LPIN2: variants seen among roughly 807,000 people sequenced by gnomAD.
LPIN2 encodes the protein phosphatidate phosphatase LPIN2.
A neutral mutation model predicts 111.4 loss-of-function variants in LPIN2; 55 were observed. That is an observed-to-expected ratio of 0.49 (90% confidence interval 0.40 to 0.62). LPIN2 has a LOEUF of 0.62. Ranked by LOEUF, LPIN2 falls within the 20% of genes least tolerant of loss-of-function variation. The probability of loss-of-function intolerance (pLI) is 0.00; values close to 1 mark genes in which losing one functional copy is unlikely to be tolerated. For missense variants in LPIN2, 992 were observed against 1,112.1 expected, an observed-to-expected ratio of 0.89 and a Z score of 1.54; for synonymous variants, 425 against 414.0, an observed-to-expected ratio of 1.03 and a Z score of -0.32.
intron 8 of LPIN2, among the ~76,000 whole-genome samples, chr18:2,933,771 G>A (rs549673117): frequency 1.3e-5 from 2 of 152,194 alleles, no homozygotes; most frequent in South Asian, 2.1e-4. Flanking sequence ...TGGGAAGGCA[G>A]TCCAAGTGTA....
chr18:2,986,560 A>AAAG (rs2078189457), intron 1 of LPIN2, among the ~76,000 whole-genome samples: 1 of 151,786 alleles, frequency 6.6e-6, no homozygotes, highest in Non-Finnish European at 1.5e-5. Context: ...AAAAAAAAAA[A>AAAG]AAAGAAAGAC....
chr18:2,924,248 C>T (rs1315505707), intron 15 of LPIN2, 150 bp downstream of exon 15: 2 of 873,472 alleles, frequency 2.3e-6, no homozygotes, highest in Admixed American at 2.0e-5. Context: ...CCCATGTGGA[C>T]TGTACTGGGG....
At chr18:3,009,151 G>A (rs571518296) in intron 1 of LPIN2, among the ~76,000 whole-genome samples, 15 of 152,122 alleles carry the variant, frequency 9.9e-5, no homozygotes, top group African/African-American at 3.4e-4. Context: ...TGTAATCCCA[G>A]CACTTTGGGA....
intron 17 of LPIN2, 64 bp downstream of exon 17, chr18:2,921,983 C>T: frequency 3.9e-6 from 6 of 1,552,068 alleles, no homozygotes; most frequent in Non-Finnish European, 5.2e-6. Flanking sequence ...CATCCCCCCA[C>T]CTTGGGCCCA....
chr18:3,007,105 G>C (rs1598617435), intron 1 of LPIN2, among the ~76,000 whole-genome samples: 1 of 152,008 alleles, frequency 6.6e-6, no homozygotes, highest in African/African-American at 2.4e-5. Flanking sequence ...TTCTCGAATA[G>C]TTCATATGTA....
intron 8 of LPIN2, among the ~76,000 whole-genome samples, chr18:2,932,259 A>G (rs1407806117): frequency 6.6e-6 from 1 of 152,198 alleles, no homozygotes; most frequent in Non-Finnish European, 1.5e-5. Flanking sequence ...CATTTGAGAT[A>G]TTGAGAATTT....
At position 2,931,395 on chromosome 18, in the gene LPIN2, A is replaced by T; in HGVS notation, c.1317T>A (p.Ser439=). ...SRQWPESDTL[S]GSQSPQSVGS... is the part of the protein sequence containing the mutation. ...CCACGGACTGTGGGGACTGGGAGCC[A>T]GAGAGTGTGTCAGACTCGGGCCACT... Residue 439 remains serine, a synonymous_variant, in exon 9 of 20, where the codon TCT becomes TCA. Transcript: ENST00000677752. 1.2e-6 allele frequency: 2 copies of T among 1,610,082 alleles called. No homozygotes were observed. The highest frequency in any genetic ancestry group is 1.7e-6 in the Non-Finnish European group (2 of 1,178,108).
rs1303131723 is a variant in LPIN2 at position 2,973,123 on chromosome 18, T to C, written c.-9-12274A>G. Among the ~76,000 whole-genome samples, 5 of 152,344 alleles carry C rather than the reference T, an allele frequency of 3.3e-5. No homozygotes were observed. The East Asian group carries it at 9.6e-4, about 29-fold the overall frequency. On this transcript the variant is annotated intron_variant, in intron 1 of 19. Transcript: ENST00000677752. ...AGAAAAAATTCCAGCTAAATGTTCA[T>C]GCCAATTTAGCTATGAAGTTTTAAG... is the stretch of plus-strand genomic sequence containing the variant.
At chr18:2,975,361 T>C (rs1471089315) in intron 1 of LPIN2, among the ~76,000 whole-genome samples, 1 of 152,096 alleles carries the variant, frequency 6.6e-6, no homozygotes, top group African/African-American at 2.4e-5. Flanking sequence ...TGAGATGGAG[T>C]TTTACTCTTG....
chr18:2,943,120 G>A lies in LPIN2; in HGVS notation c.591-2408C>T, dbSNP rs116333757. 4.0e-3 allele frequency among the ~76,000 whole-genome samples: 611 copies of A among 152,096 alleles called. 7 individuals are homozygous for A. Among genetic ancestry groups the A allele is most frequent in the African/African-American group, 0.014 (575 of 41,460 alleles). ...AAAAGCTAACGGAGGTTACATGGATGTATATGACTGCCAAAATGCACTGAA... is the reference window on the plus strand; with the variant it reads ...AAAAGCTAACGGAGGTTACATGGATATATATGACTGCCAAAATGCACTGAA... On this transcript the variant is annotated intron_variant, in intron 4 of 19. Coordinates refer to ENST00000677752, the MANE Select transcript of LPIN2 (RefSeq NM_001375808.2).
chr18:3,002,328 T>C (rs2078447534), intron 1 of LPIN2, among the ~76,000 whole-genome samples: 1 of 151,846 alleles, frequency 6.6e-6, no homozygotes, highest in South Asian at 2.1e-4. Context: ...TTTCATGTAG[T>C]TTTATAAGCT....
In LPIN2 at chr18:2,925,377, C is replaced by T. The variant is rs587781026; in HGVS notation, c.1794-9G>A. 3.7e-6 allele frequency: 6 copies of T among 1,614,054 alleles called. No individual in the cohort carries two copies. In the South Asian group the frequency reaches 5.5e-5, roughly 15 times the overall value. On this transcript the variant is annotated splice_polypyrimidine_tract_variant and intron_variant, in intron 13 of 19. Transcript: ENST00000677752. The surrounding 1 kb of genome is among the most constrained non-coding windows in gnomAD (Gnocchi z 4.1). Reference sequence around the variant, plus strand: ...AGTCATTCTCGGCCGGCCTGTTCAACATTAGCCCAGTTACGGAAGAGGCAG... The same window carrying T: ...AGTCATTCTCGGCCGGCCTGTTCAATATTAGCCCAGTTACGGAAGAGGCAG...
chr18:2,929,666 G>C (rs2077186593), intron 9 of LPIN2, among the ~76,000 whole-genome samples: 1 of 152,240 alleles, frequency 6.6e-6, no homozygotes, highest in Admixed American at 6.5e-5. Flanking sequence ...AACACTCTGG[G>C]AGGCCGATGT....
chr18:2,981,687 G>A (rs1281895021), intron 1 of LPIN2, among the ~76,000 whole-genome samples: 1 of 152,170 alleles, frequency 6.6e-6, no homozygotes, highest in Non-Finnish European at 1.5e-5. Flanking sequence ...CCCCGTGGTA[G>A]CACCTGACTC....
At chr18:2,946,710 G>A (rs1216711059) in intron 4 of LPIN2, 1 of 597,448 alleles carries the variant, frequency 1.7e-6, no homozygotes, top group Non-Finnish European at 3.1e-6. Flanking sequence ...TAAATTATAG[G>A]TGCAACATGA....
intron 1 of LPIN2, among the ~76,000 whole-genome samples, chr18:2,975,843 T>C (rs1044146123): frequency 1.3e-5 from 2 of 152,232 alleles, no homozygotes; most frequent in African/African-American, 4.8e-5. Context: ...CAGGTTGCTA[T>C]AGAAGCCATG....
In LPIN2 at chr18:2,921,900, T is replaced by G. The variant is rs2077059778; in HGVS notation, c.2327+147A>C. The stretch of plus-strand genomic sequence containing the variant: ...CGCCACATGGCAAGTGAGCAGTATG[T>G]GGTAGGACACCACCAGGGACCAAAG... On this transcript the variant is annotated intron_variant, in intron 17 of 19. Coordinates refer to ENST00000677752, the MANE Select transcript of LPIN2 (RefSeq NM_001375808.2). 7.7e-6 allele frequency: 9 copies of G among 1,168,898 alleles called. No individual in the cohort carries two copies. In the Admixed American group the frequency reaches 8.0e-5, roughly 10 times the overall value. 72.4% of individuals were successfully genotyped at this position (1,168,898 alleles called of 1,614,324 possible).
intron 17 of LPIN2, 143 bp downstream of exon 17, chr18:2,921,904 A>G: frequency 1.7e-6 from 2 of 1,191,018 alleles, no homozygotes; most frequent in Non-Finnish European, 2.3e-6. Context: ...AGTATGTGGT[A>G]GGACACCACC....
At chr18:2,996,115 C>T (rs1212954505) in intron 1 of LPIN2, among the ~76,000 whole-genome samples, 2 of 152,046 alleles carry the variant, frequency 1.3e-5, no homozygotes, top group African/African-American at 2.4e-5. Flanking sequence ...CCGAGGCGGG[C>T]GGATCATGAG....
Sources: gnomAD v4.1 joint callset for allele counts (sites outside exome capture counted in the v4.1 genomes callset) on GRCh38, gnomAD v4.1.1 for gene constraint, Gnocchi (gnomAD v3.1) non-coding constraint, MANE v1.5 for transcripts, NCBI Gene and HGNC (gene_info 2026-07-23, HGNC 2026-07-21) for gene names.